SYT1: variants seen among roughly 807,000 people sequenced by gnomAD.
The protein encoded by SYT1 is synaptotagmin-1.
SYT1 carries 8 observed loss-of-function variants against 44.8 expected under a neutral mutation model. The observed-to-expected ratio is 0.18, with a 90% CI of 0.10 to 0.32. The LOEUF (loss-of-function observed/expected upper bound fraction) is 0.32, where lower values mean the gene tolerates loss of function less well. Ranked by LOEUF, SYT1 falls within the 10% of genes least tolerant of loss-of-function variation. SYT1 has a pLI of 1.00. For missense variants in SYT1, 286 were observed against 509.3 expected, an observed-to-expected ratio of 0.56 and a Z score of 4.22; for synonymous variants, 154 against 188.8, an observed-to-expected ratio of 0.82 and a Z score of 1.51.
In SYT1 at chr12:79,231,183, A is replaced by G. The variant is rs559756187; in HGVS notation, c.166+13498A>G. ...TAGAAGCAGAAACCAGAGGGAATGT[A>G]TGAGATATACCATTATATTTTTAGT... On this transcript the variant is annotated intron_variant, in intron 4 of 10. Coordinates refer to ENST00000261205, the MANE Select transcript of SYT1 (RefSeq NM_005639.3). Among the ~76,000 whole-genome samples the G allele has an allele frequency of 2.5e-3, 385 of 152,322 alleles. 2 individuals carry two copies. The highest frequency in any genetic ancestry group is 8.4e-3 in the African/African-American group (348 of 41,574).
intron 9 of SYT1, 103 bp downstream of exon 9, chr12:79,353,722 G>A (rs1883002215): frequency 1.2e-6 from 1 of 862,068 alleles, no homozygotes; most frequent in Non-Finnish European, 2.0e-6. Flanking sequence ...ATTGATCACA[G>A]TTCTCTTTCC....
Position 79,134,566 on chromosome 12 carries a change from A to G in SYT1, c.-17-82937A>G, listed in dbSNP as rs573443779. On this transcript the variant is annotated intron_variant, in intron 3 of 10. Coordinates refer to ENST00000261205, the MANE Select transcript of SYT1 (RefSeq NM_005639.3). ...ATCGCTAGTACTAGAATATACTAGA[A>G]TGCTCCTTTAGTATGCATTCAAGTT... 2.0e-5 allele frequency among the ~76,000 whole-genome samples: 3 copies of G among 152,302 alleles called. No individual in the cohort carries two copies. The South Asian group carries it at 6.2e-4, about 32-fold the overall frequency.
intron 8 of SYT1, among the ~76,000 whole-genome samples, chr12:79,337,318 T>C (rs1044184964): frequency 1.3e-5 from 2 of 152,170 alleles, no homozygotes; most frequent in Non-Finnish European, 1.5e-5. Flanking sequence ...AAAACTTTCC[T>C]TGGGTAATGA....
intron 1 of SYT1, among the ~76,000 whole-genome samples, chr12:78,928,466 A>G (rs1043445468): frequency 6.6e-6 from 1 of 152,132 alleles, no homozygotes; most frequent in Admixed American, 6.6e-5. Flanking sequence ...CAACCTCAGC[A>G]TACTTTTTTT....
chr12:79,340,214 T>C (rs1244612969), intron 8 of SYT1, among the ~76,000 whole-genome samples: 3 of 152,300 alleles, frequency 2.0e-5, no homozygotes, highest in Non-Finnish European at 2.9e-5. Flanking sequence ...AAGAAAGTCA[T>C]TGGTAGCTTG....
chr12:79,372,587 G>A (rs182537190), intron 9 of SYT1, among the ~76,000 whole-genome samples: 1 of 152,286 alleles, frequency 6.6e-6, no homozygotes, highest in Non-Finnish European at 1.5e-5. Context: ...AAATCACTGT[G>A]TATTGGCTGA....
Position 79,299,364 on chromosome 12 carries a change from C to T in SYT1, c.643-20C>T. 1 of 1,610,116 alleles carries T rather than the reference C, an allele frequency of 6.2e-7. No individual in the cohort carries two copies. ...GCATTTTTGTGACTGGATATTTTAT[C>T]CTCATGTCTTTTAATTTAGGTACCA... is the stretch of plus-strand genomic sequence containing the variant. On this transcript the variant is annotated intron_variant, in intron 7 of 10. Transcript: ENST00000261205.
intron 2 of SYT1, among the ~76,000 whole-genome samples, chr12:79,047,075 C>T (rs1009083338): frequency 6.6e-6 from 1 of 151,790 alleles, no homozygotes; most frequent in Non-Finnish European, 1.5e-5. Context: ...AGTATATAAA[C>T]TATCCACAGA....
chr12:79,337,740 T>C (rs1295254059), intron 8 of SYT1, among the ~76,000 whole-genome samples: 1 of 152,228 alleles, frequency 6.6e-6, no homozygotes, highest in Non-Finnish European at 1.5e-5. Flanking sequence ...GAGCACACTT[T>C]CTGGCATATT....
At chr12:79,325,798 T>C (rs533586529) in intron 8 of SYT1, among the ~76,000 whole-genome samples, 3 of 152,192 alleles carry the variant, frequency 2.0e-5, no homozygotes, top group Non-Finnish European at 4.4e-5. Context: ...ATGCATAAGA[T>C]AGAGAATATA....
intron 1 of SYT1, among the ~76,000 whole-genome samples, chr12:78,956,482 G>A (rs1229553453): frequency 6.6e-6 from 1 of 151,552 alleles, no homozygotes; most frequent in Non-Finnish European, 1.5e-5. Context: ...CCCTACCCCT[G>A]CTAGAAAGAA....
At chr12:79,157,965 C>T (rs1005179829) in intron 3 of SYT1, among the ~76,000 whole-genome samples, 9 of 152,210 alleles carry the variant, frequency 5.9e-5, no homozygotes, top group African/African-American at 1.9e-4. Context: ...CATTTACATC[C>T]ACCATGGTAT....
At chr12:79,168,092 A>G (rs61927315) in intron 3 of SYT1, among the ~76,000 whole-genome samples, 11,259 of 152,082 alleles carry the variant, frequency 0.074, 518 homozygotes, top group African/African-American at 0.12. Context: ...ACTGGTACCC[A>G]TCCCTGGCAG....
intron 9 of SYT1, among the ~76,000 whole-genome samples, chr12:79,368,150 T>G (rs890145729): frequency 6.0e-5 from 9 of 150,912 alleles, no homozygotes; most frequent in Non-Finnish European, 4.4e-5. Flanking sequence ...ACGCGGTGTT[T>G]GATTTTTTTT....
At chr12:79,372,615 C>T (rs1337439411) in intron 9 of SYT1, among the ~76,000 whole-genome samples, 1 of 151,854 alleles carries the variant, frequency 6.6e-6, no homozygotes, top group Non-Finnish European at 1.5e-5. Flanking sequence ...AGACCAAACT[C>T]CGGAAGGCTG....
At chr12:78,991,421 T>C (rs1404280860) in intron 2 of SYT1, among the ~76,000 whole-genome samples, 1 of 152,114 alleles carries the variant, frequency 6.6e-6, no homozygotes, top group East Asian at 1.9e-4. Context: ...CATGTCTCTT[T>C]GGCCTATAGC....
chr12:78,976,612 A>C (rs899460980), intron 1 of SYT1: 1 of 152,232 alleles, frequency 6.6e-6, no homozygotes, highest in African/African-American at 2.4e-5. Flanking sequence ...GGAAAACTCA[A>C]ATCTTCAAAT....
At chr12:79,312,494 A>C (rs1353741985) in intron 8 of SYT1, among the ~76,000 whole-genome samples, 1 of 152,136 alleles carries the variant, frequency 6.6e-6, no homozygotes, top group Non-Finnish European at 1.5e-5. Context: ...GATAGAATTT[A>C]AGCTAGAATT....
intron 1 of SYT1, among the ~76,000 whole-genome samples, chr12:78,929,230 C>G (rs1233396716): frequency 6.6e-6 from 1 of 150,916 alleles, no homozygotes; most frequent in African/African-American, 2.4e-5. Flanking sequence ...GGTGAAACTC[C>G]GCCTCTACTA....
Sources: allele counts gnomAD v4.1 joint callset (sites outside exome capture counted in the v4.1 genomes callset), GRCh38; gene constraint gnomAD v4.1.1; transcripts MANE v1.5; gene names NCBI Gene and HGNC (gene_info 2026-07-23, HGNC 2026-07-21).